Variants in RASA1 observed in about 807,000 individuals in gnomAD.
RASA1 encodes ras GTPase-activating protein 1.
In RASA1, 25 loss-of-function variants were observed where a neutral mutation model predicts 132.2. That is an observed-to-expected ratio of 0.19 (90% confidence interval 0.14 to 0.26). The LOEUF (loss-of-function observed/expected upper bound fraction) is 0.26. Among genes scored for constraint, RASA1 ranks in the 10% least tolerant of loss-of-function variants. RASA1 has a pLI of 1.00. For missense variants in RASA1, 964 were observed against 1,299.2 expected (o/e 0.74, Z 3.97); for synonymous variants, 477 against 449.9 (o/e 1.06, Z -0.76).
chr5:87,337,896 T>C (rs1007970866), intron 4 of RASA1, 78 bp from the exon 5 acceptor site: 1 of 1,403,838 alleles, frequency 7.1e-7, no homozygotes. Flanking sequence ...ATCCCTATCC[T>C]ATTTTGTGGT....
intron 21 of RASA1, among the ~76,000 whole-genome samples, chr5:87,384,446 C>A (rs1761932415): frequency 6.6e-6 from 1 of 152,064 alleles, no homozygotes; most frequent in Non-Finnish European, 1.5e-5. Flanking sequence ...CCTTAATAAT[C>A]TGAAGCTCAA....
chr5:87,306,161 T>G (rs1488390276), intron 1 of RASA1, among the ~76,000 whole-genome samples: 1 of 152,164 alleles, frequency 6.6e-6, no homozygotes, highest in Non-Finnish European at 1.5e-5. Context: ...TAAAGACACA[T>G]GCACATGTAT....
At chr5:87,294,289 C>T (rs1755026983) in intron 1 of RASA1, 1 of 152,196 alleles carries the variant, frequency 6.6e-6, no homozygotes, top group Admixed American at 6.6e-5. Context: ...TGTTTCCAAC[C>T]TGGGTGGTTC....
intron 8 of RASA1, among the ~76,000 whole-genome samples, chr5:87,351,892 A>G (rs900734543): frequency 7.9e-5 from 12 of 151,910 alleles, no homozygotes; most frequent in African/African-American, 2.9e-4. Flanking sequence ...TTGAGGTGCT[A>G]CAGTGGATTG....
At chr5:87,381,036 C>G (rs566843293) in intron 20 of RASA1, among the ~76,000 whole-genome samples, 1 of 152,292 alleles carries the variant, frequency 6.6e-6, no homozygotes, top group South Asian at 2.1e-4. Flanking sequence ...GTGTTTCAGT[C>G]TGCTCATTGT....
chr5:87,306,263 T>C lies in RASA1; in HGVS notation c.540-25085T>C, dbSNP rs550612634. Reference sequence around the variant, plus strand: ...CTGGATAAAGAAAATGTGGTACATATATACCATGGAATACTATGCAGCCAT... The same window carrying C: ...CTGGATAAAGAAAATGTGGTACATACATACCATGGAATACTATGCAGCCAT... On this transcript the variant is annotated intron_variant, in intron 1 of 24. Coordinates refer to ENST00000274376, the MANE Select transcript of RASA1 (RefSeq NM_002890.3). Among the ~76,000 whole-genome samples, 32 of 152,292 alleles carry C rather than the reference T, an allele frequency of 2.1e-4. No homozygotes were observed. In the South Asian group the frequency reaches 5.2e-3, roughly 25 times the overall value.
At chr5:87,314,896 T>C (rs991400150) in intron 1 of RASA1, among the ~76,000 whole-genome samples, 2 of 152,214 alleles carry the variant, frequency 1.3e-5, no homozygotes, top group African/African-American at 4.8e-5. Flanking sequence ...TGGATGAGTA[T>C]GACAGATATG....
intron 22 of RASA1, among the ~76,000 whole-genome samples, chr5:87,385,977 C>T (rs894684052): frequency 2.6e-5 from 4 of 151,982 alleles, no homozygotes; most frequent in Non-Finnish European, 5.9e-5. Context: ...CAATTATTAG[C>T]TGAACTTTGG....
intron 11 of RASA1, among the ~76,000 whole-genome samples, chr5:87,366,971 C>A (rs966277559): frequency 1.3e-5 from 2 of 152,200 alleles, no homozygotes; most frequent in African/African-American, 4.8e-5. Flanking sequence ...TCACAACTGC[C>A]AGGATGTTGC....
At chr5:87,338,149 C>G (rs775998993) in intron 5 of RASA1, 58 bp downstream of exon 5, 1 of 1,604,404 alleles carries the variant, frequency 6.2e-7, no homozygotes, top group East Asian at 2.3e-5. Context: ...AAATTTGGAT[C>G]TTGTCCGTAA....
chr5:87,281,447 A>C (rs1754314857), intron 1 of RASA1, among the ~76,000 whole-genome samples: 1 of 151,704 alleles, frequency 6.6e-6, no homozygotes, highest in African/African-American at 2.4e-5. Flanking sequence ...TAGCTATCCT[A>C]GTGGGTGTGA....
At chr5:87,342,557 C>A (rs542716067) in intron 6 of RASA1, among the ~76,000 whole-genome samples, 2 of 152,276 alleles carry the variant, frequency 1.3e-5, no homozygotes, top group African/African-American at 4.8e-5. Flanking sequence ...TCTTTAGACA[C>A]AATAATCTTG....
At chr5:87,289,484 G>A (rs1190251093) in intron 1 of RASA1, among the ~76,000 whole-genome samples, 1 of 151,462 alleles carries the variant, frequency 6.6e-6, no homozygotes, top group African/African-American at 2.4e-5. Flanking sequence ...TTGTAATTTC[G>A]TTGAAATTTA....
intron 1 of RASA1, among the ~76,000 whole-genome samples, chr5:87,299,495 A>G (rs760548103): frequency 6.6e-6 from 1 of 152,176 alleles, no homozygotes; most frequent in Non-Finnish European, 1.5e-5. Flanking sequence ...ATAATAAAGT[A>G]CTTACATATA....
chr5:87,290,014 T>TA (rs1754846666), intron 1 of RASA1, among the ~76,000 whole-genome samples: 1 of 152,212 alleles, frequency 6.6e-6, no homozygotes, highest in Non-Finnish European at 1.5e-5. Flanking sequence ...CATCAACTCT[T>TA]AATAGTTGAC....
intron 1 of RASA1, among the ~76,000 whole-genome samples, chr5:87,316,966 T>G (rs934269589): frequency 6.6e-6 from 1 of 151,774 alleles, no homozygotes; most frequent in African/African-American, 2.4e-5. Context: ...TACTGCAACC[T>G]CTACCTCCTG....
At chr5:87,360,397 T>A (rs962318137) in intron 9 of RASA1, among the ~76,000 whole-genome samples, 23 of 152,178 alleles carry the variant, frequency 1.5e-4, no homozygotes, top group African/African-American at 5.5e-4. Flanking sequence ...GTACTGGGAT[T>A]AAAGGCGTGA....
chr5:87,386,108 CT>C (rs775355040), intron 22 of RASA1, among the ~76,000 whole-genome samples: 3 of 151,868 alleles, frequency 2.0e-5, no homozygotes, highest in Non-Finnish European at 2.9e-5. Context: ...GGGTACTATA[CT>C]TTTTTCTTTT....
At position 87,383,747 on chromosome 5, in the gene RASA1, A is replaced by G. The variant is rs113316011; in HGVS notation, c.2725A>G (p.Ile909Val). Reference sequence around the variant, plus strand: ...TTTTCTTCGACTCATCTGTCCTGCCATCCTGAATCCACGGATGTTCAATAT... The same window carrying G: ...TTTTCTTCGACTCATCTGTCCTGCCGTCCTGAATCCACGGATGTTCAATAT... ...FVFLRLICPA[I>V]LNPRMFNIIS... The change falls in exon 21 of 25, where the codon ATC becomes GTC. Residue 909 changes from isoleucine (I) to valine (V), a missense_variant. Physicochemically the swap from Ile to Val is conservative, Grantham distance 29. Coordinates refer to ENST00000274376, the MANE Select transcript of RASA1 (RefSeq NM_002890.3). 7.4e-5 allele frequency: 120 copies of G among 1,611,784 alleles called. No individual in the cohort carries two copies. The highest frequency in any genetic ancestry group is 4.0e-4 in the Admixed American group (24 of 59,810).
Sources: allele counts gnomAD v4.1 joint callset (sites outside exome capture counted in the v4.1 genomes callset), GRCh38; gene constraint gnomAD v4.1.1; transcripts MANE v1.5; gene names NCBI Gene and HGNC (gene_info 2026-07-23, HGNC 2026-07-21).